The following IFT81 variants were observed in gnomAD, a reference collection of about 807,000 sequenced individuals.
IFT81 encodes the protein intraflagellar transport 81, also known as intraflagellar transport protein 81 homolog.
A neutral mutation model predicts 102.6 loss-of-function variants in IFT81; 72 were observed. The observed-to-expected ratio is 0.70, with a 90% CI of 0.58 to 0.85. The LOEUF is 0.85. Among genes scored for constraint, IFT81 ranks in the 40% least tolerant of loss-of-function variants. The probability of loss-of-function intolerance (pLI) is 0.00; values close to 1 mark genes in which losing one functional copy is unlikely to be tolerated. For synonymous variants in IFT81, 237 were observed against 242.7 expected, an observed-to-expected ratio of 0.98 and a Z score of 0.22; for missense variants, 723 against 787.3, an observed-to-expected ratio of 0.92 and a Z score of 0.98.
intron 6 of IFT81, 40 bp downstream of exon 6, chr12:110,135,053 C>T: frequency 1.4e-6 from 2 of 1,436,380 alleles, no homozygotes; most frequent in African/African-American, 1.4e-5. Context: ...GGCCCCAAGT[C>T]CCAAGGACTT....
intron 12 of IFT81, among the ~76,000 whole-genome samples, 178 bp downstream of exon 12, chr12:110,180,749 C>G (rs930445732): frequency 6.6e-6 from 1 of 152,204 alleles, no homozygotes; most frequent in African/African-American, 2.4e-5. Context: ...GCAGTAAGCA[C>G]TGGCTTTTGT....
Position 110,147,058 on chromosome 12 carries a change from T to C in IFT81, c.1041+10T>C. 2 of 1,585,462 alleles carry C rather than the reference T, an allele frequency of 1.3e-6. No homozygotes were observed. Among genetic ancestry groups the C allele is most frequent in the African/African-American group, 1.4e-5 (1 of 73,684 alleles). ...ACTGTATAGGCAACAGGTAAGAACA[T>C]TCTTTTGGCTCACATATTTAGATCT... On this transcript the variant is annotated intron_variant, in intron 10 of 18. Coordinates refer to ENST00000242591, the MANE Select transcript of IFT81 (RefSeq NM_014055.4).
At chr12:110,170,571 C>G (rs184861571) in intron 11 of IFT81, among the ~76,000 whole-genome samples, 1 of 152,182 alleles carries the variant, frequency 6.6e-6, no homozygotes, top group Admixed American at 6.5e-5. Context: ...AAATCAGTCC[C>G]AATGATATGC....
chr12:110,169,067 TC>T (rs1896605547), intron 11 of IFT81: 2 of 147,482 alleles, frequency 1.4e-5, no homozygotes, highest in South Asian at 2.2e-4. Context: ...CTTCCTTCCT[TC>T]CTTCCTTCCT....
intron 1 of IFT81, among the ~76,000 whole-genome samples, chr12:110,125,691 G>C (rs934377958): frequency 6.6e-6 from 1 of 152,186 alleles, no homozygotes; most frequent in Non-Finnish European, 1.5e-5. Context: ...GACAGCTCCC[G>C]GCAGCAACTC....
chr12:110,213,920 C>A (rs969817264), intron 18 of IFT81, among the ~76,000 whole-genome samples: 1 of 152,042 alleles, frequency 6.6e-6, no homozygotes, highest in African/African-American at 2.4e-5. Flanking sequence ...TCTGGTGTGA[C>A]AAAATGTTCT....
intron 14 of IFT81, among the ~76,000 whole-genome samples, chr12:110,194,004 A>G (rs1378653944): frequency 2.6e-5 from 4 of 152,182 alleles, no homozygotes; most frequent in Non-Finnish European, 5.9e-5. Flanking sequence ...GCAGAAGGCA[A>G]AGAGAGAGCA....
At chr12:110,144,006 C>CTT (rs1566114286) in intron 9 of IFT81, among the ~76,000 whole-genome samples, 1 of 136,992 alleles carries the variant, frequency 7.3e-6, no homozygotes, top group African/African-American at 2.9e-5. Context: ...TCAGGTTATA[C>CTT]CTTTTTTTTT....
rs2137542399 is a variant in IFT81 at position 110,189,627 on chromosome 12, G to A, written c.1339-1293G>A. ...GCCTCCCAAAGTAGTGGGATTACAG[G>A]CGCGAGCCACCACACCTGGCCTAAT... On this transcript the variant is annotated intron_variant, in intron 12 of 18. Transcript: ENST00000242591. 1.3e-5 allele frequency among the ~76,000 whole-genome samples: 2 copies of A among 152,250 alleles called. 1 individual carries two copies. The highest frequency in any genetic ancestry group is 6.8e-3 in the Middle Eastern group (2 of 294).
At chr12:110,173,613 G>A (rs2137486785) in intron 11 of IFT81, among the ~76,000 whole-genome samples, 1 of 152,314 alleles carries the variant, frequency 6.6e-6, no homozygotes, top group Non-Finnish European at 1.5e-5. Flanking sequence ...ATTTTGTTCT[G>A]TACTAAGAAA....
chr12:110,136,068 A>G lies in IFT81; in HGVS notation c.696+631A>G, dbSNP rs148733068. ...TCTAGAATCTCTACAGGATGCTTTTAGATTCCAGGGCTATGAGACCATTCT... is the reference window on the plus strand; with the variant it reads ...TCTAGAATCTCTACAGGATGCTTTTGGATTCCAGGGCTATGAGACCATTCT... On this transcript the variant is annotated intron_variant, in intron 7 of 18. Coordinates refer to ENST00000242591, the MANE Select transcript of IFT81 (RefSeq NM_014055.4). Among the ~76,000 whole-genome samples, 244 of 152,286 alleles carry G rather than the reference A, an allele frequency of 1.6e-3. 2 individuals carry two copies. The highest frequency in any genetic ancestry group is 2.3e-3 in the Non-Finnish European group (154 of 68,022).
At chr12:110,133,217 C>T (rs1453356035) in intron 5 of IFT81, among the ~76,000 whole-genome samples, 1 of 152,016 alleles carries the variant, frequency 6.6e-6, no homozygotes, top group Non-Finnish European at 1.5e-5. Context: ...AGCTATCCTC[C>T]CACCTTGGCC....
At chr12:110,177,196 T>G (rs1208478931) in intron 11 of IFT81, among the ~76,000 whole-genome samples, 1 of 152,218 alleles carries the variant, frequency 6.6e-6, no homozygotes, top group Non-Finnish European at 1.5e-5. Flanking sequence ...AACCTAATCA[T>G]GGATAGAAAA....
At chr12:110,167,927 C>T (rs1282899064) in intron 11 of IFT81, 4 of 237,194 alleles carry the variant, frequency 1.7e-5, no homozygotes, top group South Asian at 4.3e-5. Context: ...TCATGGCTTA[C>T]TGCAGCCTGA....
chr12:110,215,631 A>T (rs1219946478), intron 18 of IFT81, among the ~76,000 whole-genome samples: 4 of 149,458 alleles, frequency 2.7e-5, no homozygotes, highest in Non-Finnish European at 5.9e-5. Flanking sequence ...ACAACTAATT[A>T]AAAAAAAATT....
chr12:110,158,391 T>A (rs1298451593), intron 10 of IFT81, among the ~76,000 whole-genome samples: 1 of 151,474 alleles, frequency 6.6e-6, no homozygotes, highest in Admixed American at 6.6e-5. Flanking sequence ...TGTTTTCAAA[T>A]TTTTTTAACA....
At chr12:110,127,120 C>T (rs1321957544) in intron 1 of IFT81, among the ~76,000 whole-genome samples, 1 of 152,124 alleles carries the variant, frequency 6.6e-6, no homozygotes, top group African/African-American at 2.4e-5. Flanking sequence ...CAGATGATTA[C>T]TGTTACACCA....
At chr12:110,143,099 G>T (rs962441327) in intron 8 of IFT81, among the ~76,000 whole-genome samples, 1 of 151,984 alleles carries the variant, frequency 6.6e-6, no homozygotes, top group Non-Finnish European at 1.5e-5. Context: ...TTATTTTTGC[G>T]TATTGCGGGA....
chr12:110,216,399 T>TA lies in IFT81; in HGVS notation c.1849-1644dup, dbSNP rs1870127584. 9 of 414,570 alleles carry TA rather than the reference T, an allele frequency of 2.2e-5. 1 individual carries two copies. Among genetic ancestry groups the TA allele is most frequent in the South Asian group, 1.6e-4 (9 of 56,736 alleles). The allele number at this position is 414,570 out of a possible 1,614,324, so 25.7% of individuals were successfully genotyped here. ...TTTTTGTAGAGACAGAGTATCATGT[T>TA]ACCCAGGCAGGCCTTGAACTCCCCA... is the stretch of plus-strand genomic sequence containing the variant. On this transcript the variant is annotated intron_variant, in intron 18 of 18. Coordinates refer to ENST00000242591, the MANE Select transcript of IFT81 (RefSeq NM_014055.4).
Sources: gnomAD v4.1 joint callset for allele counts (sites outside exome capture counted in the v4.1 genomes callset) on GRCh38, gnomAD v4.1.1 for gene constraint, MANE v1.5 for transcripts, NCBI Gene and HGNC (gene_info 2026-07-23, HGNC 2026-07-21) for gene names.